Variants in CNTNAP2 observed in about 807,000 individuals in gnomAD.
CNTNAP2 encodes the protein contactin-associated protein-like 2.
In CNTNAP2, 98 loss-of-function variants were observed where a neutral mutation model predicts 155.2. That is an observed-to-expected ratio of 0.63 (90% CI 0.54 to 0.75). The LOEUF is 0.75. Among genes scored for constraint, CNTNAP2 ranks in the 30% least tolerant of loss-of-function variants. The pLI is 0.00. For missense variants in CNTNAP2, 1,727 were observed against 1,688.1 expected, an observed-to-expected ratio of 1.02 and a Z score of -0.40; for synonymous variants, 651 against 631.2, an observed-to-expected ratio of 1.03 and a Z score of -0.47.
At chr7:146,848,773 C>G (rs1381995224) in intron 3 of CNTNAP2, among the ~76,000 whole-genome samples, 1 of 152,180 alleles carries the variant, frequency 6.6e-6, no homozygotes, top group East Asian at 1.9e-4. Context: ...AAAAAGCTGA[C>G]CTTTATCTAT....
At chr7:148,168,499 G>C (rs1805715608) in intron 17 of CNTNAP2, among the ~76,000 whole-genome samples, 2 of 148,976 alleles carry the variant, frequency 1.3e-5, no homozygotes, top group Admixed American at 6.8e-5. Context: ...ACTCATAGGT[G>C]GGAATTGAAC....
intron 15 of CNTNAP2, among the ~76,000 whole-genome samples, chr7:148,020,430 T>A (rs1802259435): frequency 6.6e-6 from 1 of 152,208 alleles, no homozygotes; most frequent in South Asian, 2.1e-4. Context: ...CTCAAATATA[T>A]AATATGGCAA....
At chr7:146,538,205 G>C (rs1002605350) in intron 1 of CNTNAP2, among the ~76,000 whole-genome samples, 1 of 152,128 alleles carries the variant, frequency 6.6e-6, no homozygotes, top group Non-Finnish European at 1.5e-5. Flanking sequence ...GGATTATCCA[G>C]TATCTTGGAT....
chr7:146,820,112 G>A (rs1803249314), intron 2 of CNTNAP2, among the ~76,000 whole-genome samples: 1 of 152,164 alleles, frequency 6.6e-6, no homozygotes, highest in Admixed American at 6.6e-5. Context: ...AGCATCTCAT[G>A]CTTTCTGAAT....
chr7:146,283,931 G>A (rs1316046532), intron 1 of CNTNAP2, among the ~76,000 whole-genome samples: 1 of 152,084 alleles, frequency 6.6e-6, no homozygotes, highest in Non-Finnish European at 1.5e-5. Context: ...CAATAAAAAT[G>A]CAAACAAAAT....
chr7:146,297,925 T>TCAGG (rs1800542391), intron 1 of CNTNAP2, among the ~76,000 whole-genome samples: 5 of 152,192 alleles, frequency 3.3e-5, no homozygotes, highest in Admixed American at 6.6e-5. Flanking sequence ...AAAACTTTAT[T>TCAGG]ATATGAACTG....
intron 2 of CNTNAP2, among the ~76,000 whole-genome samples, chr7:146,833,691 G>A (rs1048632009): frequency 1.3e-5 from 2 of 152,016 alleles, no homozygotes; most frequent in Non-Finnish European, 1.5e-5. Flanking sequence ...GGCCAGTCTC[G>A]GTTTGCAACC....
At chr7:146,737,467 ATTT>A (rs941022868) in intron 1 of CNTNAP2, among the ~76,000 whole-genome samples, 5 of 152,022 alleles carry the variant, frequency 3.3e-5, no homozygotes, top group African/African-American at 1.2e-4. Context: ...CATTTTATTT[ATTT>A]TATTTCTATG....
At chr7:147,310,897 G>T (rs1378530857) in intron 9 of CNTNAP2, among the ~76,000 whole-genome samples, 1 of 152,166 alleles carries the variant, frequency 6.6e-6, no homozygotes, top group Non-Finnish European at 1.5e-5. Context: ...GCAAAAAGCA[G>T]GGTTGGGTCA....
At chr7:148,375,290 CTA>C (rs1798962482) in intron 21 of CNTNAP2, among the ~76,000 whole-genome samples, 3 of 147,158 alleles carry the variant, frequency 2.0e-5, no homozygotes, top group South Asian at 2.1e-4. Context: ...ATATATACAA[CTA>C]TATAAATATA....
At chr7:147,044,297 A>G (rs1057414305) in intron 4 of CNTNAP2, among the ~76,000 whole-genome samples, 4 of 152,100 alleles carry the variant, frequency 2.6e-5, no homozygotes, top group African/African-American at 9.7e-5. Context: ...TCTTAATTAT[A>G]CTTTAGGTTG....
intron 3 of CNTNAP2, among the ~76,000 whole-genome samples, chr7:146,879,550 T>G (rs1795497042): frequency 6.6e-6 from 1 of 152,000 alleles, no homozygotes; most frequent in Non-Finnish European, 1.5e-5. Flanking sequence ...TTTACAGGAA[T>G]TAGTTCATTT....
chr7:147,196,761 C>T (rs1222909834), intron 8 of CNTNAP2, among the ~76,000 whole-genome samples: 1 of 152,178 alleles, frequency 6.6e-6, no homozygotes, highest in African/African-American at 2.4e-5. Context: ...CAGAATGGCA[C>T]AAGCGTGAAA....
chr7:148,242,573 G>C (rs1279236101), intron 20 of CNTNAP2, among the ~76,000 whole-genome samples: 1 of 152,258 alleles, frequency 6.6e-6, no homozygotes, highest in Admixed American at 6.5e-5. Context: ...GTTATAGCGC[G>C]GGTTACTTGC....
rs550825426 is a variant in CNTNAP2 at position 146,705,147 on chromosome 7, A to G, written c.98-69124A>G. 7.9e-5 allele frequency among the ~76,000 whole-genome samples: 12 copies of G among 152,266 alleles called. No homozygotes were observed. The South Asian group carries it at 2.5e-3, about 32-fold the overall frequency. ...AATGCCGTGATGAGAGCTTTTGGCT[A>G]AAAAGTGTTTAGGATGAGATGTTGA... On this transcript the variant is annotated intron_variant, in intron 1 of 23. Transcript: ENST00000361727.
chr7:147,144,222 A>G (rs1321645911), intron 8 of CNTNAP2, among the ~76,000 whole-genome samples: 6 of 152,208 alleles, frequency 3.9e-5, no homozygotes, highest in Admixed American at 1.3e-4. Flanking sequence ...ACTCCAAGCA[A>G]TAAGATTACT....
At chr7:146,450,164 T>G (rs1175943830) in intron 1 of CNTNAP2, among the ~76,000 whole-genome samples, 2 of 152,200 alleles carry the variant, frequency 1.3e-5, no homozygotes, top group East Asian at 3.8e-4. Flanking sequence ...ATAATACATT[T>G]TAATAATTAA....
intron 13 of CNTNAP2, among the ~76,000 whole-genome samples, chr7:147,807,778 A>C (rs1399467881): frequency 6.6e-6 from 1 of 152,162 alleles, no homozygotes; most frequent in Admixed American, 6.5e-5. Context: ...GAGAGCTTCT[A>C]ATATGCCCTA....
intron 4 of CNTNAP2, among the ~76,000 whole-genome samples, chr7:147,093,741 C>T (rs1380704790): frequency 2.0e-5 from 3 of 152,160 alleles, no homozygotes; most frequent in Admixed American, 6.5e-5. Context: ...AAAGTCTCAT[C>T]TAAATAACAT....
Sources: gnomAD v4.1 joint callset for allele counts (sites outside exome capture counted in the v4.1 genomes callset) on GRCh38, gnomAD v4.1.1 for gene constraint, MANE v1.5 for transcripts, NCBI Gene and HGNC (gene_info 2026-07-23, HGNC 2026-07-21) for gene names.